The following CHRM3 variants were observed in gnomAD, a reference collection of about 807,000 sequenced individuals.
CHRM3 encodes the protein muscarinic acetylcholine receptor M3.
In CHRM3, 11 loss-of-function variants were observed where a neutral mutation model predicts 41.8. The observed-to-expected ratio is 0.26, with a 90% CI of 0.17 to 0.44. The LOEUF is 0.44. Ranked by LOEUF, CHRM3 falls within the 20% of genes least tolerant of loss-of-function variation. The probability of loss-of-function intolerance (pLI) is 1.00; values close to 1 mark genes in which losing one functional copy is unlikely to be tolerated. For synonymous variants in CHRM3, 297 were observed against 301.4 expected (o/e 0.99, Z 0.15); for missense variants, 571 against 745.4 (o/e 0.77, Z 2.72).
intron 5 of CHRM3, among the ~76,000 whole-genome samples, chr1:239,755,916 G>A (rs1214266175): frequency 6.6e-6 from 1 of 151,980 alleles, no homozygotes. Context: ...CTTGCTACAG[G>A]GAATACAAAG....
At position 239,608,195 on chromosome 1, in the gene CHRM3, T is replaced by C. The variant is rs1666575571; in HGVS notation, c.-312-24029T>C. ...GTTACATTTTAAAGTTTATGTCTAA[T>C]TGTATTTTGAAACCATTTAGTTATA... On this transcript the variant is annotated intron_variant, in intron 3 of 6. Transcript: ENST00000676153. Among the ~76,000 whole-genome samples the C allele has an allele frequency of 2.0e-5, 3 of 152,250 alleles. No individual in the cohort carries two copies. In the South Asian group the frequency reaches 6.2e-4, roughly 31 times the overall value.
chr1:239,822,596 G>T (rs928871359), intron 5 of CHRM3, among the ~76,000 whole-genome samples: 1 of 152,122 alleles, frequency 6.6e-6, no homozygotes, highest in South Asian at 2.1e-4. Flanking sequence ...TGTAGACTGA[G>T]CCCCAGATCT....
At chr1:239,839,736 A>G (rs1455605488) in intron 6 of CHRM3, among the ~76,000 whole-genome samples, 1 of 152,044 alleles carries the variant, frequency 6.6e-6, no homozygotes, top group Non-Finnish European at 1.5e-5. Flanking sequence ...GGAGAGTGAC[A>G]TACAAAGAGA....
intron 3 of CHRM3, among the ~76,000 whole-genome samples, chr1:239,614,960 G>T (rs1237170650): frequency 2.0e-5 from 3 of 152,158 alleles, no homozygotes; most frequent in Non-Finnish European, 4.4e-5. Flanking sequence ...TACACAGTAG[G>T]ATTGTTGGAA....
intron 5 of CHRM3, among the ~76,000 whole-genome samples, chr1:239,807,896 G>A (rs1245533451): frequency 1.3e-5 from 2 of 152,002 alleles, no homozygotes; most frequent in East Asian, 3.9e-4. Context: ...ATTCCAGAGT[G>A]ATAAAAGAAT....
intron 2 of CHRM3, among the ~76,000 whole-genome samples, chr1:239,507,004 C>T (rs1484318152): frequency 6.6e-6 from 1 of 152,128 alleles, no homozygotes; most frequent in Non-Finnish European, 1.5e-5. Flanking sequence ...TTACCCAATG[C>T]CTGTGTCCCC....
At chr1:239,796,394 A>C (rs1158534765) in intron 5 of CHRM3, among the ~76,000 whole-genome samples, 1 of 152,210 alleles carries the variant, frequency 6.6e-6, no homozygotes, top group East Asian at 1.9e-4. Context: ...GAAATCACAC[A>C]AGAGGAACGT....
intron 5 of CHRM3, among the ~76,000 whole-genome samples, chr1:239,814,197 T>C (rs1384430779): frequency 2.0e-5 from 3 of 152,184 alleles, no homozygotes; most frequent in Admixed American, 6.5e-5. Flanking sequence ...GTGAGAACTT[T>C]AGTGTGGGTT....
In CHRM3 at chr1:239,419,207, A is replaced by G. The variant is rs184783533; in HGVS notation, c.-521+31980A>G. On this transcript the variant is annotated intron_variant, in intron 1 of 6. Transcript: ENST00000676153. ...TATATGTTTCTTTGTGAAGGCAGAAACATCTATTCCTTTTTTTTCTATCAT... is the reference window on the plus strand; with the variant it reads ...TATATGTTTCTTTGTGAAGGCAGAAGCATCTATTCCTTTTTTTTCTATCAT... 3.0e-3 allele frequency among the ~76,000 whole-genome samples: 450 copies of G among 152,248 alleles called. 7 individuals carry two copies. Among genetic ancestry groups the G allele is most frequent in the Non-Finnish European group, 2.0e-3 (139 of 68,016 alleles).
At chr1:239,691,482 A>G (rs1659713152) in intron 5 of CHRM3, among the ~76,000 whole-genome samples, 2 of 152,178 alleles carry the variant, frequency 1.3e-5, no homozygotes, top group South Asian at 2.1e-4. Flanking sequence ...GCCAAGACAC[A>G]TCGATAATAT....
Position 239,633,192 on chromosome 1 carries a change from C to G in CHRM3, c.-250+906C>G, listed in dbSNP as rs574217844. 3.2e-4 allele frequency among the ~76,000 whole-genome samples: 48 copies of G among 152,258 alleles called. No homozygotes were observed. In the South Asian group the frequency reaches 9.5e-3, roughly 30 times the overall value. On this transcript the variant is annotated intron_variant, in intron 4 of 6. Transcript: ENST00000676153. ...TTCACCGTGTTAGCCAGGATGGTCTCGATCTCCTGACCTCATGATCTGCCC... is the reference window on the plus strand; with the variant it reads ...TTCACCGTGTTAGCCAGGATGGTCTGGATCTCCTGACCTCATGATCTGCCC...
intron 2 of CHRM3, among the ~76,000 whole-genome samples, chr1:239,504,783 A>G (rs1668456705): frequency 6.6e-6 from 1 of 152,180 alleles, no homozygotes; most frequent in African/African-American, 2.4e-5. Context: ...GAGATTGGAG[A>G]CTATTATTCT....
At chr1:239,898,985 T>C (rs1385378330) in intron 6 of CHRM3, among the ~76,000 whole-genome samples, 4 of 152,326 alleles carry the variant, frequency 2.6e-5, no homozygotes, top group Admixed American at 2.0e-4. Flanking sequence ...AACTTTTTTG[T>C]CTTTTTTCAC....
intron 3 of CHRM3, chr1:239,629,226 C>G (rs1669472214): frequency 1.4e-5 from 2 of 143,808 alleles, no homozygotes; most frequent in Non-Finnish European, 3.0e-5. Flanking sequence ...TTAAGCTGGT[C>G]TGAAAAGCGC....
At chr1:239,465,989 A>G (rs1269922071) in intron 1 of CHRM3, among the ~76,000 whole-genome samples, 1 of 151,730 alleles carries the variant, frequency 6.6e-6, no homozygotes, top group Non-Finnish European at 1.5e-5. Context: ...ATTTCCTTTT[A>G]TTTATTTATT....
chr1:239,728,380 T>C (rs975755121), intron 5 of CHRM3, among the ~76,000 whole-genome samples: 18 of 151,956 alleles, frequency 1.2e-4, no homozygotes, highest in Admixed American at 1.2e-3. Flanking sequence ...AACTCTCTGA[T>C]AAAGGAAGTA....
At chr1:239,621,707 G>T (rs1300007103) in intron 3 of CHRM3, among the ~76,000 whole-genome samples, 1 of 152,200 alleles carries the variant, frequency 6.6e-6, no homozygotes, top group Non-Finnish European at 1.5e-5. Flanking sequence ...AGAGAGGAAA[G>T]GAAGCTGCAG....
rs148998019 is a variant in CHRM3 at position 239,680,822 on chromosome 1, C to T, written c.-147+2534C>T. On this transcript the variant is annotated intron_variant, in intron 5 of 6. Transcript: ENST00000676153. Reference sequence around the variant, plus strand: ...AATGAATAACATTTTATTTGAACTGCGGAGGAGACTTTTTTTTTTCTCCTA... The same window carrying T: ...AATGAATAACATTTTATTTGAACTGTGGAGGAGACTTTTTTTTTTCTCCTA... 2.8e-3 allele frequency among the ~76,000 whole-genome samples: 424 copies of T among 151,544 alleles called. 3 individuals are homozygous for T. Among genetic ancestry groups the T allele is most frequent in the African/African-American group, 9.5e-3 (391 of 41,342 alleles).
At chr1:239,733,637 T>C (rs933473156) in intron 5 of CHRM3, among the ~76,000 whole-genome samples, 2 of 152,082 alleles carry the variant, frequency 1.3e-5, no homozygotes, top group East Asian at 3.9e-4. Context: ...TAAGAAAGTT[T>C]ATATTCATTT....
Sources: gnomAD v4.1 joint callset for allele counts (sites outside exome capture counted in the v4.1 genomes callset) on GRCh38, gnomAD v4.1.1 for gene constraint, MANE v1.5 for transcripts, NCBI Gene and HGNC (gene_info 2026-07-23, HGNC 2026-07-21) for gene names.